Variants in ZNF385D observed in about 807,000 individuals in gnomAD.
The protein encoded by ZNF385D is zinc finger protein 385D, also known as zinc finger protein 659.
In ZNF385D, 15 loss-of-function variants were observed where a neutral mutation model predicts 35.8. That is an observed-to-expected ratio of 0.42 (90% confidence interval 0.28 to 0.64). The LOEUF is 0.64. Among genes scored for constraint, ZNF385D ranks in the 30% least tolerant of loss-of-function variants. ZNF385D has a pLI of 0.23. For missense variants in ZNF385D, 474 were observed against 494.6 expected (o/e 0.96, Z 0.39); for synonymous variants, 212 against 186.8 (o/e 1.13, Z -1.10).
chr3:21,869,499 C>T (rs947952538), intron 3 of ZNF385D, among the ~76,000 whole-genome samples: 2 of 152,062 alleles, frequency 1.3e-5, no homozygotes, highest in Admixed American at 1.3e-4. Context: ...TCAATAAATG[C>T]TGCTGAGAGC....
chr3:22,076,506 T>C (rs1269257853), intron 3 of ZNF385D, among the ~76,000 whole-genome samples: 1 of 151,902 alleles, frequency 6.6e-6, no homozygotes, highest in African/African-American at 2.4e-5. Flanking sequence ...CCACTTAAAG[T>C]TGGTCCTCCA....
intron 2 of ZNF385D, among the ~76,000 whole-genome samples, chr3:22,321,112 A>T (rs926265183): frequency 3.6e-5 from 5 of 139,134 alleles, no homozygotes; most frequent in African/African-American, 5.4e-5. Context: ...TCCTGTTCAA[A>T]TTTTTTAATT....
chr3:21,423,972 A>T lies in ZNF385D; in HGVS notation c.945T>A (p.His315Gln), dbSNP rs376896999. The T allele has an allele frequency of 3.7e-6, 6 of 1,608,096 alleles. No homozygotes were observed. The highest frequency in any genetic ancestry group is 4.2e-6 in the Non-Finnish European group (5 of 1,178,094). ...SPYNKLQKTA[H>Q]PLGVKLVFSK... The stretch of plus-strand genomic sequence containing the variant: ...GCAAAATGACACTCACCCCCAGTGG[A>T]TGTGCTGTCTTCTGTAGTTTGTTGT... Residue 315 changes from histidine (H) to glutamine (Q), a missense_variant, in exon 7 of 8, where the codon CAT (histidine) becomes CAA (glutamine). Transcript: ENST00000281523.
At chr3:21,805,944 T>G (rs1352975606) in intron 3 of ZNF385D, among the ~76,000 whole-genome samples, 1 of 152,204 alleles carries the variant, frequency 6.6e-6, no homozygotes, top group Non-Finnish European at 1.5e-5. Context: ...AAGATGGCAA[T>G]CTGGGAGAGG....
chr3:22,044,329 G>C (rs1283712683), intron 3 of ZNF385D, among the ~76,000 whole-genome samples: 2 of 152,054 alleles, frequency 1.3e-5, no homozygotes, highest in Non-Finnish European at 2.9e-5. Context: ...TTTCTCTAAT[G>C]TTTAGTACAT....
intron 3 of ZNF385D, among the ~76,000 whole-genome samples, chr3:21,988,695 A>G (rs1221693851): frequency 1.3e-5 from 2 of 151,454 alleles, no homozygotes; most frequent in Non-Finnish European, 3.0e-5. Context: ...GGTGGGCTCC[A>G]CCCAGTTGGA....
At chr3:21,729,806 C>T (rs2068915380) in intron 1 of ZNF385D, among the ~76,000 whole-genome samples, 1 of 152,152 alleles carries the variant, frequency 6.6e-6, no homozygotes, top group Non-Finnish European at 1.5e-5. Context: ...AACTCAGCTC[C>T]TTGTATCTAG....
intron 3 of ZNF385D, among the ~76,000 whole-genome samples, chr3:22,084,440 T>G (rs548208682): frequency 6.6e-6 from 1 of 151,996 alleles, no homozygotes; most frequent in East Asian, 1.9e-4. Flanking sequence ...AGTCTCTGAT[T>G]AAACAGACTT....
At chr3:22,359,887 G>T (rs921891200) in intron 2 of ZNF385D, among the ~76,000 whole-genome samples, 10 of 151,826 alleles carry the variant, frequency 6.6e-5, no homozygotes, top group Non-Finnish European at 1.3e-4. Flanking sequence ...TTATAAGAGA[G>T]AATTAGATAT....
chr3:21,599,278 A>AAATC (rs1229567922), intron 2 of ZNF385D, among the ~76,000 whole-genome samples: 8 of 152,250 alleles, frequency 5.3e-5, no homozygotes, highest in African/African-American at 1.9e-4. Flanking sequence ...TTTGAGGGAT[A>AAATC]AATCAAAATC....
chr3:22,061,829 C>A (rs2125543036), intron 3 of ZNF385D, among the ~76,000 whole-genome samples: 1 of 152,244 alleles, frequency 6.6e-6, no homozygotes, highest in Non-Finnish European at 1.5e-5. Flanking sequence ...ATCTGGATTA[C>A]CTTTCTTTAC....
intron 1 of ZNF385D, among the ~76,000 whole-genome samples, chr3:21,671,081 A>G (rs1310910249): frequency 6.6e-6 from 1 of 152,046 alleles, no homozygotes; most frequent in Admixed American, 6.6e-5. Flanking sequence ...CATAAAGCTC[A>G]GTTGTGCATG....
intron 2 of ZNF385D, among the ~76,000 whole-genome samples, chr3:22,230,173 A>T (rs562219085): frequency 6.6e-6 from 1 of 152,210 alleles, no homozygotes; most frequent in Non-Finnish European, 1.5e-5. Flanking sequence ...TGGCTTAAAG[A>T]AAAAGAAACT....
At chr3:21,945,145 C>CGTACATGTATAT (rs1491139694) in intron 3 of ZNF385D, among the ~76,000 whole-genome samples, 1 of 151,138 alleles carries the variant, frequency 6.6e-6, no homozygotes, top group African/African-American at 2.4e-5. Flanking sequence ...TATGTATATG[C>CGTACATGTATAT]ATATATATAT....
chr3:22,025,272 C>A (rs955084198), intron 3 of ZNF385D, among the ~76,000 whole-genome samples: 1 of 152,144 alleles, frequency 6.6e-6, no homozygotes, highest in African/African-American at 2.4e-5. Flanking sequence ...TGATGGCCTC[C>A]CCTGAGGCAG....
intron 3 of ZNF385D, among the ~76,000 whole-genome samples, chr3:22,128,974 T>G (rs1703612780): frequency 6.6e-6 from 1 of 152,150 alleles, no homozygotes; most frequent in Admixed American, 6.6e-5. Context: ...GAGAAGGTTT[T>G]CCATGTATTG....
intron 3 of ZNF385D, among the ~76,000 whole-genome samples, chr3:22,160,582 CA>C (rs1240879738): frequency 6.6e-6 from 1 of 151,938 alleles, no homozygotes; most frequent in African/African-American, 2.4e-5. Flanking sequence ...AAGAATAGAT[CA>C]GTGAGAACTA....
intron 2 of ZNF385D, among the ~76,000 whole-genome samples, chr3:22,204,339 A>G (rs1697005303): frequency 6.6e-6 from 1 of 152,046 alleles, no homozygotes. Context: ...AAGAACTTGT[A>G]TGATAAAAGA....
Position 21,555,051 on chromosome 3 carries a change from T to G in ZNF385D, c.276+9523A>C, listed in dbSNP as rs189834406. On this transcript the variant is annotated intron_variant, in intron 3 of 7. Transcript: ENST00000281523. ...CTAATTACCTTCAAGAACTTTTATT[T>G]TACAGTCACAACTTAGCTAACCGCT... 8.5e-5 allele frequency among the ~76,000 whole-genome samples: 13 copies of G among 152,300 alleles called. No homozygotes were observed. The East Asian group carries it at 2.5e-3, about 29-fold the overall frequency.
Sources: gnomAD v4.1 joint callset for allele counts (sites outside exome capture counted in the v4.1 genomes callset) on GRCh38, gnomAD v4.1.1 for gene constraint, MANE v1.5 for transcripts, NCBI Gene and HGNC (gene_info 2026-07-23, HGNC 2026-07-21) for gene names.